ABCC8: variants seen among roughly 807,000 people sequenced by gnomAD.
ABCC8 encodes ATP binding cassette subfamily C member 8.
Under a neutral mutation model 188.0 loss-of-function variants are expected in ABCC8, and 137 were observed. The observed-to-expected ratio is 0.73, with a 90% CI of 0.63 to 0.84. The LOEUF is 0.84. Among genes scored for constraint, ABCC8 ranks in the 40% least tolerant of loss-of-function variants. The pLI is 0.00. For synonymous variants in ABCC8, 797 were observed against 846.5 expected, an observed-to-expected ratio of 0.94 and a Z score of 1.01; for missense variants, 1,750 against 2,072.7, an observed-to-expected ratio of 0.84 and a Z score of 3.02.
chr11:17,444,558 C>T (rs1956451296), intron 8 of ABCC8, among the ~76,000 whole-genome samples: 1 of 152,144 alleles, frequency 6.6e-6, no homozygotes, highest in African/African-American at 2.4e-5. Context: ...CTCATGCTCC[C>T]CCATCCCCTC....
chr11:17,395,507 T>G, intron 35 of ABCC8, 103 bp downstream of exon 35: 2 of 1,493,378 alleles, frequency 1.3e-6, no homozygotes, highest in Non-Finnish European at 1.8e-6. Context: ...AGGAAACACC[T>G]CTGGGATCCT....
chr11:17,419,798 G>A (rs776556250), intron 16 of ABCC8, among the ~76,000 whole-genome samples: 3 of 152,190 alleles, frequency 2.0e-5, no homozygotes, highest in Non-Finnish European at 2.9e-5. Context: ...GATAACAGGT[G>A]CGAGAAGTAG....
In ABCC8 at chr11:17,395,856, G is replaced by T; in HGVS notation, c.4194C>A (p.Phe1398Leu). 2 of 1,580,252 alleles carry T rather than the reference G, an allele frequency of 1.3e-6. No homozygotes were observed. Among genetic ancestry groups the T allele is most frequent in the Non-Finnish European group, 1.7e-6 (2 of 1,161,990 alleles). The change falls in exon 34 of 39, where the codon TTC becomes TTA. Residue 1398 changes from phenylalanine (F) to leucine (L), a missense_variant. By Grantham distance (22) the Phe-to-Leu change is conservative. Transcript: ENST00000389817. ...SLAFFRMVDT[F>L]EGHIIIDGID... ...GGTGCCCGCCTTACAACTCACCTTC[G>T]AACGTGTCCACCATGCGGAAGAAGG...
intron 16 of ABCC8, among the ~76,000 whole-genome samples, chr11:17,426,810 TG>T (rs1427596905): frequency 6.6e-6 from 1 of 152,178 alleles, no homozygotes; most frequent in East Asian, 1.9e-4. Flanking sequence ...GTATGGACCT[TG>T]TTAGTTATCA....
intron 29 of ABCC8, among the ~76,000 whole-genome samples, chr11:17,399,837 G>C (rs746700576): frequency 1.3e-5 from 2 of 152,180 alleles, no homozygotes; most frequent in South Asian, 4.1e-4. Flanking sequence ...AACTCTGGAG[G>C]CTTCTTTCTC....
chr11:17,396,017 G>A (rs1437220114), intron 33 of ABCC8, 87 bp from the exon 34 acceptor site: 13 of 1,542,576 alleles, frequency 8.4e-6, no homozygotes, highest in Admixed American at 3.9e-5. Context: ...GTGTGCAGGT[G>A]TGGGAGGTCA....
intron 10 of ABCC8, chr11:17,435,675 C>T (rs1591816572): frequency 7.1e-7 from 1 of 1,400,496 alleles, no homozygotes; most frequent in Non-Finnish European, 1.0e-6. Context: ...CTGTTCTTCA[C>T]ATGGCTGCCA....
intron 8 of ABCC8, 157 bp downstream of exon 8, chr11:17,448,359 G>T (rs1399721745): frequency 1.4e-6 from 1 of 703,732 alleles, no homozygotes; most frequent in African/African-American, 1.7e-5. Context: ...GGGACAGGAG[G>T]GACCCAGAGG....
chr11:17,463,222 C>T (rs190251580), intron 4 of ABCC8, among the ~76,000 whole-genome samples: 34 of 152,338 alleles, frequency 2.2e-4, no homozygotes, highest in Non-Finnish European at 1.5e-4. Flanking sequence ...TCACCCCCCT[C>T]TCCCTCTGGG....
chr11:17,442,932 C>A (rs757804208), intron 9 of ABCC8, 50 bp from the exon 10 acceptor site: 2 of 1,601,776 alleles, frequency 1.2e-6, no homozygotes, highest in Non-Finnish European at 1.7e-6. Context: ...CCGTCTCCCA[C>A]CCGAGAGGAA....
At position 17,394,358 on chromosome 11, in the gene ABCC8, G is replaced by A. The variant is rs1252605804; in HGVS notation, c.4453C>T (p.Gln1485Ter). The change falls in exon 37 of 39, where the codon CAG (glutamine) becomes TAG (stop). Residue 1485 changes from glutamine (Q) to a stop codon, truncating the protein, a stop_gained. Coordinates refer to ENST00000389817, the MANE Select transcript of ABCC8 (RefSeq NM_000352.6). LOFTEE classifies it high-confidence loss of function. ...CGGGCCAGGCAGAACAGCTGCCTCT[G>A]TCCCTGGCTGAAATTCTCCCCGCCT... is the stretch of plus-strand genomic sequence containing the variant. ...TEGGENFSQG[Q>*]RQLFCLARAF... 1.9e-6 allele frequency: 3 copies of A among 1,614,194 alleles called. No homozygotes were observed. The highest frequency in any genetic ancestry group is 2.5e-6 in the Non-Finnish European group (3 of 1,180,048).
intron 14 of ABCC8, 157 bp downstream of exon 14, chr11:17,428,132 C>T (rs186950135): frequency 3.2e-6 from 5 of 1,554,596 alleles, no homozygotes; most frequent in African/African-American, 1.4e-5. Context: ...GGGGTCCCCC[C>T]ACTTGGTGGT....
intron 6 of ABCC8, among the ~76,000 whole-genome samples, chr11:17,459,428 G>T (rs1032574231): frequency 1.3e-5 from 2 of 152,156 alleles, no homozygotes; most frequent in Non-Finnish European, 2.9e-5. Context: ...CAGACTCAAC[G>T]TATCTCATAT....
chr11:17,410,282 A>G (rs1160589796), intron 22 of ABCC8: 14 of 534,948 alleles, frequency 2.6e-5, no homozygotes, highest in Non-Finnish European at 6.7e-6. Context: ...TGAGTGTACC[A>G]TGGGGGGCCC....
At chr11:17,403,726 G>T (rs1954364114) in intron 28 of ABCC8, among the ~76,000 whole-genome samples, 1 of 152,014 alleles carries the variant, frequency 6.6e-6, no homozygotes, top group African/African-American at 2.4e-5. Context: ...ACACCTCCAT[G>T]ACCAACACAA....
intron 21 of ABCC8, among the ~76,000 whole-genome samples, chr11:17,411,602 T>A (rs193220545): frequency 1.1e-3 from 171 of 152,292 alleles, no homozygotes; most frequent in African/African-American, 4.0e-3. Flanking sequence ...ATGGCCTCCC[T>A]CTTTCCTTCT....
intron 9 of ABCC8, 148 bp from the exon 10 acceptor site, chr11:17,443,030 A>G: frequency 1.3e-6 from 2 of 1,517,970 alleles, no homozygotes; most frequent in Admixed American, 3.6e-5. Flanking sequence ...CATTTCCCAG[A>G]CAAAGAAGCT....
At chr11:17,412,781 A>G (rs1267464865) in intron 20 of ABCC8, 35 bp from the exon 21 acceptor site, 1 of 1,586,140 alleles carries the variant, frequency 6.3e-7, no homozygotes, top group East Asian at 2.3e-5. Flanking sequence ...TCATGCCCTC[A>G]GCCATTCAGG....
chr11:17,434,984 C>CGTGT (rs57580521), intron 10 of ABCC8, among the ~76,000 whole-genome samples: 2,594 of 144,742 alleles, frequency 0.018, 32 homozygotes, highest in East Asian at 0.041. Flanking sequence ...CGTGTGTTCG[C>CGTGT]GTGTGTGTGT....
Sources: allele counts gnomAD v4.1 joint callset (sites outside exome capture counted in the v4.1 genomes callset), GRCh38; gene constraint gnomAD v4.1.1; transcripts MANE v1.5; gene names NCBI Gene and HGNC (gene_info 2026-07-23, HGNC 2026-07-21).